TFB1M: variants seen among roughly 807,000 people sequenced by gnomAD.
TFB1M encodes dimethyladenosine transferase 1, mitochondrial.
TFB1M carries 27 observed loss-of-function variants against 31.1 expected under a neutral mutation model. The observed-to-expected ratio is 0.87, with a 90% CI of 0.64 to 1.20. The LOEUF (loss-of-function observed/expected upper bound fraction) is 1.20. Ranked by LOEUF, TFB1M falls within the 50% of genes most tolerant of loss-of-function variation. The probability of loss-of-function intolerance (pLI) is 0.00; values close to 1 mark genes in which losing one functional copy is unlikely to be tolerated. For missense variants in TFB1M, 394 were observed against 418.7 expected (o/e 0.94, Z 0.51); for synonymous variants, 166 against 151.8 (o/e 1.09, Z -0.69).
chr6:155,251,071 G>A, the TFB1M span: 28 of 1,534,616 alleles, frequency 1.8e-5, no homozygotes, highest in South Asian at 6.7e-5. Flanking sequence ...CTGGGATTAC[G>A]GAAGAACTTC....
At chr6:155,253,877 C>T (rs1715134443), downstream of TFB1M, 2 of 888,078 alleles carry the variant, frequency 2.3e-6, no homozygotes, top group South Asian at 3.6e-5. Flanking sequence ...GAATATTAGA[C>T]TTTCTTAACT....
At chr6:155,279,226 T>TA (rs397822498) in intron 5 of TFB1M, among the ~76,000 whole-genome samples, 28 of 151,838 alleles carry the variant, frequency 1.8e-4, no homozygotes, top group Admixed American at 9.2e-4. Flanking sequence ...TTTTTTTTTT[T>TA]AACCTGTGGA....
the TFB1M span, among the ~76,000 whole-genome samples, chr6:155,235,481 G>A: frequency 6.6e-6 from 1 of 152,172 alleles, no homozygotes; most frequent in Non-Finnish European, 1.5e-5. Context: ...CCTATAAAGT[G>A]CTGATCAGGT....
At chr6:155,284,716 T>A (rs1562405755) in intron 5 of TFB1M, among the ~76,000 whole-genome samples, 1 of 152,188 alleles carries the variant, frequency 6.6e-6, no homozygotes, top group Admixed American at 6.5e-5. Flanking sequence ...CACAGATGAT[T>A]TACCACAAAT....
intron 2 of TFB1M, among the ~76,000 whole-genome samples, chr6:155,308,696 C>CTG (rs1777891487): frequency 6.6e-6 from 1 of 152,142 alleles, no homozygotes; most frequent in Non-Finnish European, 1.5e-5. Context: ...TTTTTCTTTC[C>CTG]CCTAAACTGC....
downstream of TFB1M, chr6:155,252,048 G>GTATC: frequency 6.8e-7 from 1 of 1,473,790 alleles, no homozygotes; most frequent in East Asian, 2.3e-5. Context: ...TTTCATAGCT[G>GTATC]TATCTTCCTA....
chr6:155,265,729 A>AATATATATTATATATAATATATAATAT (rs1784602673), intron 5 of TFB1M, among the ~76,000 whole-genome samples: 2 of 145,416 alleles, frequency 1.4e-5, no homozygotes, highest in African/African-American at 5.1e-5. Flanking sequence ...ATATAATATA[A>AATATATATTATATATAATATATAATAT]ATATATATTA....
At chr6:155,314,123 T>G (rs1386999078) in intron 1 of TFB1M, 173 bp downstream of exon 1, 2 of 1,492,568 alleles carry the variant, frequency 1.3e-6, no homozygotes, top group Admixed American at 2.1e-5. Context: ...GCACTTCACG[T>G]GTCTCCTGGG....
At chr6:155,235,228 C>T in the TFB1M span, among the ~76,000 whole-genome samples, 4 of 152,236 alleles carry the variant, frequency 2.6e-5, no homozygotes, top group Admixed American at 6.5e-5. Context: ...TCGGCAAACA[C>T]GAGTTTCCTT....
the TFB1M span, among the ~76,000 whole-genome samples, chr6:155,247,679 A>C: frequency 2.0e-5 from 3 of 152,210 alleles, no homozygotes; most frequent in African/African-American, 7.2e-5. Flanking sequence ...TAGGCCACCT[A>C]TAACAATATT....
chr6:155,275,887 G>C, intron 5 of TFB1M: 2 of 1,614,128 alleles, frequency 1.2e-6, no homozygotes, highest in Non-Finnish European at 1.7e-6. Flanking sequence ...ACTGTACGTG[G>C]TACAGCACTG....
At chr6:155,238,761 C>A in the TFB1M span, among the ~76,000 whole-genome samples, 1 of 152,222 alleles carries the variant, frequency 6.6e-6, no homozygotes, top group Non-Finnish European at 1.5e-5. Flanking sequence ...TTTGTTGATT[C>A]CAGATTGCCT....
At chr6:155,283,812 A>G (rs1009291212) in intron 5 of TFB1M, among the ~76,000 whole-genome samples, 25 of 152,262 alleles carry the variant, frequency 1.6e-4, no homozygotes, top group African/African-American at 5.3e-4. Flanking sequence ...CATGTGCATG[A>G]CAAGAAGAAA....
chr6:155,244,780 T>C, the TFB1M span: 1 of 1,606,998 alleles, frequency 6.2e-7, no homozygotes, highest in African/African-American at 1.3e-5. Flanking sequence ...CCTCACAGTT[T>C]AGAGTAAGTA....
At chr6:155,268,044 C>T (rs943514367) in intron 5 of TFB1M, among the ~76,000 whole-genome samples, 11 of 152,122 alleles carry the variant, frequency 7.2e-5, no homozygotes, top group African/African-American at 2.4e-4. Flanking sequence ...TTTTACAGAC[C>T]GAAGATGCCC....
chr6:155,284,231 T>C lies in TFB1M; in HGVS notation c.666+927A>G, dbSNP rs1013476700. On this transcript the variant is annotated intron_variant, in intron 5 of 6. Coordinates refer to ENST00000367166, the MANE Select transcript of TFB1M (RefSeq NM_016020.4). ...AGACAGACAAGTAGATCTAACACTA[T>C]TGGTTAGGGTCTCCATTCTAAATCT... 7.9e-5 allele frequency among the ~76,000 whole-genome samples: 12 copies of C among 152,352 alleles called. No individual in the cohort carries two copies. The Middle Eastern group carries it at 0.01, about 130-fold the overall frequency.
chr6:155,260,808 G>A (rs1156253164), intron 5 of TFB1M: 6 of 329,694 alleles, frequency 1.8e-5, no homozygotes, highest in Non-Finnish European at 3.5e-5. Flanking sequence ...ATGGCAGACA[G>A]GCCCCCAGGG....
chr6:155,281,539 T>G (rs915323258), intron 5 of TFB1M, among the ~76,000 whole-genome samples: 1 of 151,936 alleles, frequency 6.6e-6, no homozygotes, highest in Non-Finnish European at 1.5e-5. Flanking sequence ...TTGGCCAACA[T>G]GGTGAAACCT....
Position 155,270,344 on chromosome 6 carries a change from C to T in TFB1M, c.667-9944G>A, listed in dbSNP as rs540779559. Among the ~76,000 whole-genome samples, 5 of 152,122 alleles carry T rather than the reference C, an allele frequency of 3.3e-5. No homozygotes were observed. The South Asian group carries it at 6.2e-4, about 19-fold the overall frequency. On this transcript the variant is annotated intron_variant, in intron 5 of 6. Transcript: ENST00000367166. Reference sequence around the variant, plus strand: ...TAAGCTGAGGGGTCATAAGACTTACCTAGGAGAGTCTCTGGACTTAAAAGA... The same window carrying T: ...TAAGCTGAGGGGTCATAAGACTTACTTAGGAGAGTCTCTGGACTTAAAAGA...
Sources: allele counts gnomAD v4.1 joint callset (sites outside exome capture counted in the v4.1 genomes callset), GRCh38; gene constraint gnomAD v4.1.1; transcripts MANE v1.5; gene names NCBI Gene and HGNC (gene_info 2026-07-23, HGNC 2026-07-21).